Variants in TRAT1 observed in about 807,000 individuals in gnomAD.
TRAT1 encodes the protein T-cell receptor-associated transmembrane adapter 1.
Under a neutral mutation model 20.0 loss-of-function variants are expected in TRAT1, and 20 were observed. That is an observed-to-expected ratio of 1.00 (90% CI 0.70 to 1.45). The LOEUF (loss-of-function observed/expected upper bound fraction) is 1.45. TRAT1 is among the 40% of genes most tolerant of loss of function. TRAT1 has a pLI of 0.00. For missense variants in TRAT1, 237 were observed against 224.1 expected, an observed-to-expected ratio of 1.06 and a Z score of -0.37; for synonymous variants, 77 against 74.2, an observed-to-expected ratio of 1.04 and a Z score of -0.20.
intron 1 of TRAT1, 22 bp downstream of exon 1, chr3:108,822,956 T>G (rs1182421102): frequency 6.2e-7 from 1 of 1,609,492 alleles, no homozygotes; most frequent in South Asian, 1.1e-5. Flanking sequence ...TTTAAACTTT[T>G]TGTTCCATTT....
chr3:108,849,379 T>C, intron 5 of TRAT1, 125 bp downstream of exon 5: 1 of 712,274 alleles, frequency 1.4e-6, no homozygotes, highest in Non-Finnish European at 2.4e-6. Context: ...TTCTGGGACC[T>C]GAGCTCTAAC....
chr3:108,849,287 A>T, intron 5 of TRAT1, 33 bp downstream of exon 5: 1 of 1,556,752 alleles, frequency 6.4e-7, no homozygotes, highest in Non-Finnish European at 8.8e-7. Context: ...ACATTTGCAC[A>T]TTTCAAGAGC....
chr3:108,854,650 C>T lies in TRAT1; in HGVS notation c.*773C>T, dbSNP rs868362203. 1 of 152,042 alleles carries T rather than the reference C, an allele frequency of 6.6e-6. No individual in the cohort carries two copies. The highest frequency in any genetic ancestry group is 1.5e-5 in the Non-Finnish European group (1 of 67,966). The allele number at this position is 152,042 out of a possible 1,614,324, so 9.4% of individuals were successfully genotyped here. On this transcript the variant is annotated 3_prime_UTR_variant, in exon 6 of 6. Coordinates refer to ENST00000295756, the MANE Select transcript of TRAT1 (RefSeq NM_016388.4). The stretch of plus-strand genomic sequence containing the variant: ...TGTACACATTACTTAAACTTTCTTT[C>T]CAGTCAACAATATATTGTGGATTTA...
At chr3:108,851,837 A>G (rs1026903109) in intron 5 of TRAT1, among the ~76,000 whole-genome samples, 3 of 152,070 alleles carry the variant, frequency 2.0e-5, no homozygotes, top group African/African-American at 7.2e-5. Context: ...CTTTCTTAGG[A>G]CTCACATTCT....
intron 5 of TRAT1, among the ~76,000 whole-genome samples, chr3:108,852,872 A>G (rs1160797980): frequency 6.6e-6 from 1 of 152,202 alleles, no homozygotes; most frequent in Non-Finnish European, 1.5e-5. Flanking sequence ...AGTCTTTCCA[A>G]TGCCAAATTC....
intron 4 of TRAT1, among the ~76,000 whole-genome samples, chr3:108,848,273 T>C (rs1237656251): frequency 1.3e-5 from 2 of 152,170 alleles, no homozygotes; most frequent in East Asian, 1.9e-4. Flanking sequence ...ATGCAGATTT[T>C]CCATGGACCA....
chr3:108,827,241 T>C (rs527275014), intron 1 of TRAT1, among the ~76,000 whole-genome samples: 61 of 152,266 alleles, frequency 4.0e-4, no homozygotes, highest in Non-Finnish European at 7.8e-4. Flanking sequence ...GTTACACTTG[T>C]TGGGTAAAAA....
intron 1 of TRAT1, among the ~76,000 whole-genome samples, chr3:108,830,175 T>G (rs9817536): frequency 0.47 from 71,310 of 152,018 alleles, 18,515 homozygotes; most frequent in Non-Finnish European, 0.59. Flanking sequence ...CTGTGGCCAA[T>G]CTTAACAAAA....
At chr3:108,834,461 C>A (rs1945821365) in intron 2 of TRAT1, among the ~76,000 whole-genome samples, 1 of 152,122 alleles carries the variant, frequency 6.6e-6, no homozygotes, top group Admixed American at 6.5e-5. Flanking sequence ...TGTTTCTAAC[C>A]CAGAGATTTC....
intron 1 of TRAT1, among the ~76,000 whole-genome samples, chr3:108,823,967 G>A (rs1382215388): frequency 2.0e-5 from 3 of 152,178 alleles, no homozygotes; most frequent in African/African-American, 7.2e-5. Context: ...TGCCTCCCAG[G>A]TTCAAGCGAT....
intron 3 of TRAT1, among the ~76,000 whole-genome samples, chr3:108,841,855 T>C (rs1057474320): frequency 2.3e-4 from 35 of 152,212 alleles, no homozygotes. Flanking sequence ...AGGAGGATAA[T>C]ACTGTGAGAC....
At chr3:108,827,670 A>G (rs1166835845) in intron 1 of TRAT1, among the ~76,000 whole-genome samples, 3 of 152,164 alleles carry the variant, frequency 2.0e-5, no homozygotes, top group Admixed American at 6.5e-5. Context: ...CCCTAAAAGC[A>G]GAGGAAACCA....
chr3:108,832,334 G>C (rs9809020), intron 2 of TRAT1, among the ~76,000 whole-genome samples: 98,742 of 152,016 alleles, frequency 0.65, 33,171 homozygotes, highest in Non-Finnish European at 0.74. Context: ...CTATGGCTAA[G>C]GTGAAATTTA....
At chr3:108,837,591 C>T (rs1945851365) in intron 2 of TRAT1, among the ~76,000 whole-genome samples, 1 of 152,172 alleles carries the variant, frequency 6.6e-6, no homozygotes, top group African/African-American at 2.4e-5. Context: ...AGAGTGTTTT[C>T]ACATGTTCAA....
rs780564994 is a variant in TRAT1, at chr3:108,838,944, C to T, written c.129C>T (p.Tyr43=). ...YVEKQRQDKM[Y]SYSSDHTRVD... Reference sequence around the variant, plus strand: ...TTGAATATCTTTCAGATAAAATGTACAGCTACTCCAGTGACCACACCAGGT... The same window carrying T: ...TTGAATATCTTTCAGATAAAATGTATAGCTACTCCAGTGACCACACCAGGT... Residue 43 remains tyrosine, a synonymous_variant, in exon 3 of 6, where the codon TAC becomes TAT. Coordinates refer to ENST00000295756, the MANE Select transcript of TRAT1 (RefSeq NM_016388.4). 4.4e-6 allele frequency: 7 copies of T among 1,606,418 alleles called. No homozygotes were observed. The highest frequency in any genetic ancestry group is 1.7e-4 in the Middle Eastern group (1 of 6,050).
At chr3:108,823,856 A>C (rs534295843) in intron 1 of TRAT1, among the ~76,000 whole-genome samples, 1 of 152,110 alleles carries the variant, frequency 6.6e-6, no homozygotes, top group East Asian at 1.9e-4. Flanking sequence ...CTGAACATTT[A>C]TGTTGTATAC....
intron 1 of TRAT1, among the ~76,000 whole-genome samples, chr3:108,826,875 G>C (rs1389000583): frequency 6.6e-6 from 1 of 152,122 alleles, no homozygotes; most frequent in Non-Finnish European, 1.5e-5. Flanking sequence ...TTTAAGTAAA[G>C]GCTTCTGTGT....
At chr3:108,831,949 A>T (rs1945798376) in intron 2 of TRAT1, among the ~76,000 whole-genome samples, 1 of 152,220 alleles carries the variant, frequency 6.6e-6, no homozygotes, top group African/African-American at 2.4e-5. Context: ...AAATGAAATA[A>T]AACTAAGTTA....
At chr3:108,843,943 C>T (rs1459719909) in intron 3 of TRAT1, among the ~76,000 whole-genome samples, 1 of 152,206 alleles carries the variant, frequency 6.6e-6, no homozygotes, top group African/African-American at 2.4e-5. Flanking sequence ...TTCCCAGGGC[C>T]TCATTCCATA....
Sources: allele counts gnomAD v4.1 joint callset (sites outside exome capture counted in the v4.1 genomes callset), GRCh38; gene constraint gnomAD v4.1.1; transcripts MANE v1.5; gene names NCBI Gene and HGNC (gene_info 2026-07-23, HGNC 2026-07-21).